The following VPS51 variants were observed in gnomAD, a reference collection of about 807,000 sequenced individuals.
VPS51 encodes the protein vacuolar protein sorting-associated protein 51 homolog.
In VPS51, 55 loss-of-function variants were observed where a neutral mutation model predicts 65.1. The observed-to-expected ratio is 0.84, with a 90% CI of 0.68 to 1.06. The LOEUF is 1.06. VPS51 is among the 50% of genes least tolerant of loss of function. VPS51 has a pLI of 0.00. For missense variants in VPS51, 943 were observed against 1,101.6 expected, an observed-to-expected ratio of 0.86 and a Z score of 2.04; for synonymous variants, 473 against 489.5, an observed-to-expected ratio of 0.97 and a Z score of 0.44.
rs754553722 is a variant in VPS51, at chr11:65,107,721, C to T, written c.499C>T (p.Leu167=). ...GGACCGCCACGAGCGCATCACCAAG[C>T]TGGCAGGTGGGCGCTGCCGGGCAGG... ...LQDRHERITK[L]AGVHALLRKL... The change falls in exon 3 of 10, where the codon CTG becomes TTG. Residue 167 remains leucine (L), a synonymous_variant. Coordinates refer to ENST00000279281, the MANE Select transcript of VPS51 (RefSeq NM_013265.4). This position sits in a 1 kb window ranked among gnomAD's most constrained non-coding sequence, Gnocchi z 4.0. 2 of 1,608,000 alleles carry T rather than the reference C, an allele frequency of 1.2e-6. No homozygotes were observed. The highest frequency in any genetic ancestry group is 2.2e-5 in the South Asian group (2 of 90,988).
At position 65,096,322 on chromosome 11, in the gene VPS51, G is replaced by A; in HGVS notation, c.72G>A (p.Gly24=). ...GGGACTCCCCAGAAGGGCCCGAGGG[G>A]GAGGCTCCGGAGCGTCGGCGGAAGG... ...GPGDSPEGPE[G]EAPERRRKAH... The change falls in exon 1 of 10, where the codon GGG becomes GGA. Residue 24 remains glycine (G), a synonymous_variant. Transcript: ENST00000279281. The A allele has an allele frequency of 6.6e-7, 1 of 1,506,364 alleles. No homozygotes were observed. The highest frequency in any genetic ancestry group is 8.8e-7 in the Non-Finnish European group (1 of 1,132,738). 93.3% of individuals were successfully genotyped at this position (1,506,364 alleles called of 1,614,324 possible). A position where few individuals can be genotyped will look rare whatever the true frequency, so the allele number is the denominator to read the frequency against.
chr11:65,097,688 AAAAAAAT>A (rs1167797369), intron 2 of VPS51, among the ~76,000 whole-genome samples: 1 of 151,720 alleles, frequency 6.6e-6, no homozygotes, highest in Non-Finnish European at 1.5e-5. Flanking sequence ...CCATCTCTAC[AAAAAAAT>A]AAAAAATAAA....
At chr11:65,101,791 A>G (rs990154703) in intron 2 of VPS51, among the ~76,000 whole-genome samples, 1 of 146,612 alleles carries the variant, frequency 6.8e-6, no homozygotes, top group Non-Finnish European at 1.5e-5. Flanking sequence ...AAAAAAAAAA[A>G]GAAAATTAAC....
chr11:65,103,938 T>G (rs1246698295), intron 2 of VPS51, among the ~76,000 whole-genome samples: 1 of 151,914 alleles, frequency 6.6e-6, no homozygotes, highest in Non-Finnish European at 1.5e-5. Context: ...TATTCAATTA[T>G]TATTATTTGA....
At position 65,107,590 on chromosome 11, in the gene VPS51, G is replaced by A. The variant is rs1254869411; in HGVS notation, c.368G>A (p.Arg123Gln). Residue 123 changes from arginine to glutamine, a missense_variant, in exon 3 of 10, where the codon CGG becomes CAG. Arg to Gln is a conservative substitution (Grantham distance 43). This residue lies in a region of VPS51 where 855 missense variants were observed against 953.7 expected (regional missense o/e 0.90). Coordinates refer to ENST00000279281, the MANE Select transcript of VPS51 (RefSeq NM_013265.4). This position sits in a 1 kb window ranked among gnomAD's most constrained non-coding sequence, Gnocchi z 4.0. ...GCCCCTGCCCTCCTAGACACCATCC[G>A]GAAGATGAAGAACGATTTCCGGAAG... Reference protein sequence around the residue: ...NKFISATDTIRKMKNDFRKME... With the variant: ...NKFISATDTIQKMKNDFRKME... 2.5e-5 allele frequency: 39 copies of A among 1,589,336 alleles called. No homozygotes were observed. The highest frequency in any genetic ancestry group is 3.2e-5 in the Non-Finnish European group (37 of 1,160,912).
At chr11:65,096,511 G>GGT in intron 1 of VPS51, 33 bp downstream of exon 1, 2 of 979,736 alleles carry the variant, frequency 2.0e-6, no homozygotes, top group Non-Finnish European at 3.0e-6. Flanking sequence ...GGGGTGCGGG[G>GGT]AGGGGGGAAG....
At chr11:65,099,622 G>A (rs959084249) in intron 2 of VPS51, among the ~76,000 whole-genome samples, 6 of 151,280 alleles carry the variant, frequency 4.0e-5, no homozygotes, top group African/African-American at 9.7e-5. Flanking sequence ...AGTGAGACCC[G>A]ATATCTAGAA....
chr11:65,111,773 G>T lies in VPS51; in HGVS notation c.*186G>T. On this transcript the variant is annotated 3_prime_UTR_variant, in exon 10 of 10. Transcript: ENST00000279281. ...TGAAGCTGAGGCTTCTGAGGCGCCC[G>T]CGTCGGGTCCGCCCCCGAGCGCCGA... The T allele has an allele frequency of 2.6e-6, 3 of 1,135,634 alleles. No homozygotes were observed. Among genetic ancestry groups the T allele is most frequent in the Non-Finnish European group, 3.6e-6 (3 of 826,348 alleles). The allele number at this position is 1,135,634 out of a possible 1,614,324, so 70.3% of individuals were successfully genotyped here.
At position 65,096,434 on chromosome 11, in the gene VPS51, G is replaced by T; in HGVS notation, c.184G>T (p.Asp62Tyr). 6.9e-7 allele frequency: 1 copy of T among 1,451,950 alleles called. No individual in the cohort carries two copies. Among genetic ancestry groups the T allele is most frequent in the Non-Finnish European group, 9.2e-7 (1 of 1,091,730 alleles). The allele number at this position is 1,451,950 out of a possible 1,614,324, so 89.9% of individuals were successfully genotyped here. A position where few individuals can be genotyped will look rare whatever the true frequency, so the allele number is the denominator to read the frequency against. The change falls in exon 1 of 10, where the codon GAT (aspartate) becomes TAT (tyrosine). Residue 62 changes from aspartate to tyrosine, a missense_variant. Around this residue, in one of 2 missense-constraint regions of VPS51, gnomAD observed 855 missense variants for 953.7 expected, o/e 0.90. Transcript: ENST00000279281. ...PAGPDPLDPT[D>Y]LNGAHFDPEV... ...GGGGCCCGACCCCCTGGACCCGACT[G>T]ATCTGAACGGGGCGCACTTCGACCC...
chr11:65,110,662 C>T (rs1245291703), intron 8 of VPS51, 32 bp from the exon 9 acceptor site: 1 of 1,614,110 alleles, frequency 6.2e-7, no homozygotes, highest in Non-Finnish European at 8.5e-7. Flanking sequence ...GGGTGCAGGG[C>T]GGGCTCTGAT....
intron 1 of VPS51, 40 bp downstream of exon 1, chr11:65,096,518 G>GGTGGGGGC: frequency 2.0e-6 from 1 of 499,408 alleles, no homozygotes; most frequent in East Asian, 5.2e-5. Context: ...GGGGAGGGGG[G>GGTGGGGGC]AAGGGAACCA....
In VPS51 at chr11:65,107,056, G is replaced by A. The variant is rs578029432; in HGVS notation, c.359-525G>A. 18 of 413,832 alleles carry A rather than the reference G, an allele frequency of 4.3e-5. No homozygotes were observed. Among genetic ancestry groups the A allele is most frequent in the South Asian group, 3.1e-4 (18 of 57,876 alleles). 25.6% of individuals were successfully genotyped at this position (413,832 alleles called of 1,614,324 possible). A position where few individuals can be genotyped will look rare whatever the true frequency, so the allele number is the denominator to read the frequency against. On this transcript the variant is annotated intron_variant, in intron 2 of 9. Coordinates refer to ENST00000279281, the MANE Select transcript of VPS51 (RefSeq NM_013265.4). This position sits in a 1 kb window ranked among gnomAD's most constrained non-coding sequence, Gnocchi z 4.0. ...GTGAAAGGAAAAACAGCCTCCCTAG[G>A]CAGGATTCTATCAGGACCAAAGGGA...
At chr11:65,102,084 A>G (rs1271557053) in intron 2 of VPS51, among the ~76,000 whole-genome samples, 1 of 149,132 alleles carries the variant, frequency 6.7e-6, no homozygotes, top group African/African-American at 2.5e-5. Context: ...CAGTGGCCCA[A>G]TCGGCTCACT....
In VPS51 at chr11:65,108,233, C is replaced by G; in HGVS notation, c.762C>G (p.Cys254Trp). ...GGSGAPEQAE[C>W]VELLLALGEP... ...CAGGCGCCCCGGAGCAGGCAGAGTG[C>G]GTGGAGCTGCTGCTGGCCCTGGGCG... The change falls in exon 5 of 10, where the codon TGC (cysteine) becomes TGG (tryptophan). Residue 254 changes from cysteine (C) to tryptophan (W), a missense_variant. Around this residue, in one of 2 missense-constraint regions of VPS51, gnomAD observed 855 missense variants for 953.7 expected, o/e 0.90. Coordinates refer to ENST00000279281, the MANE Select transcript of VPS51 (RefSeq NM_013265.4). The G allele has an allele frequency of 6.3e-7, 1 of 1,599,730 alleles. No individual in the cohort carries two copies. Among genetic ancestry groups the G allele is most frequent in the Non-Finnish European group, 8.5e-7 (1 of 1,175,204 alleles).
At chr11:65,104,541 T>G (rs2137185867) in intron 2 of VPS51, among the ~76,000 whole-genome samples, 1 of 152,340 alleles carries the variant, frequency 6.6e-6, no homozygotes, top group Non-Finnish European at 1.5e-5. Flanking sequence ...TATTATGAGA[T>G]CCTCTAATTT....
At chr11:65,098,403 C>G (rs954210694) in intron 2 of VPS51, among the ~76,000 whole-genome samples, 2 of 151,664 alleles carry the variant, frequency 1.3e-5, no homozygotes, top group Admixed American at 1.3e-4. Flanking sequence ...TTTCTTCTGT[C>G]CTCTTTATTC....
Position 65,108,801 on chromosome 11 carries a change from G to T in VPS51, c.1330G>T (p.Glu444Ter). ...VAGKEGPGLA[E>*]LLANVASSIL... ...TGGGAAGGAGGGCCCTGGCCTGGCC[G>T]AGTTGCTGGCCAATGTGGCCAGCTC... Residue 444 changes from glutamate (E) to a stop codon, truncating the protein, a stop_gained, in exon 5 of 10, where the codon GAG (glutamate) becomes TAG (stop). Transcript: ENST00000279281. LOFTEE classifies it high-confidence loss of function. 1 of 1,612,866 alleles carries T rather than the reference G, an allele frequency of 6.2e-7. No homozygotes were observed. The highest frequency in any genetic ancestry group is 8.5e-7 in the Non-Finnish European group (1 of 1,179,986).
chr11:65,102,959 TAG>T (rs1166717935), intron 2 of VPS51, among the ~76,000 whole-genome samples: 2 of 151,924 alleles, frequency 1.3e-5, no homozygotes, highest in Admixed American at 6.6e-5. Flanking sequence ...CTGGGCAACA[TAG>T]AGAGACCCCA....
chr11:65,111,417 C>A lies in VPS51; in HGVS notation c.2179C>A (p.Gln727Lys). 6.2e-7 allele frequency: 1 copy of A among 1,613,588 alleles called. No individual in the cohort carries two copies. The highest frequency in any genetic ancestry group is 1.1e-5 in the South Asian group (1 of 91,092). ...CACCTTTGGGCGCTTCGGGCTGCAG[C>A]AGGTGCAAGTGGACTGCCACTTTCT... ...LRTFGRFGLQ[Q>K]VQVDCHFLQL... Residue 727 changes from glutamine (Q) to lysine (K), a missense_variant, in exon 10 of 10, where the codon CAG becomes AAG. Transcript: ENST00000279281.
Sources: gnomAD v4.1 joint callset for allele counts (sites outside exome capture counted in the v4.1 genomes callset) on GRCh38, gnomAD v4.1.1 for gene constraint, gnomAD v4.1.1 regional missense constraint, Gnocchi (gnomAD v3.1) non-coding constraint, MANE v1.5 for transcripts, NCBI Gene and HGNC (gene_info 2026-07-23, HGNC 2026-07-21) for gene names.